CYRIA: variants seen among roughly 807,000 people sequenced by gnomAD.
CYRIA encodes CYFIP related Rac1 interactor A.
Under a neutral mutation model 43.9 loss-of-function variants are expected in CYRIA, and 15 were observed. That is an observed-to-expected ratio of 0.34 (90% CI 0.23 to 0.53). CYRIA has a LOEUF of 0.53. CYRIA is among the 20% of genes least tolerant of loss of function. The pLI, the probability that CYRIA is intolerant of heterozygous loss-of-function variation, is 0.94. For synonymous variants in CYRIA, 117 were observed against 136.0 expected, an observed-to-expected ratio of 0.86 and a Z score of 0.97; for missense variants, 236 against 394.2, an observed-to-expected ratio of 0.60 and a Z score of 3.40.
At chr2:16,562,196 A>C (rs1666762134) in intron 5 of CYRIA, 55 bp from the exon 6 acceptor site, 1 of 1,559,284 alleles carries the variant, frequency 6.4e-7, no homozygotes, top group Non-Finnish European at 8.7e-7. Flanking sequence ...GAGGTCCTTC[A>C]AAGAACACAA....
rs146731727 is a variant in CYRIA, at chr2:16,619,382, G to GAT, written c.-11+4480_-11+4481dup. ...CCCTCTGTGTGTGTGTGCATATATA[G>GAT]ATATATATATATATACACACACACA... On this transcript the variant is annotated intron_variant, in intron 2 of 11. Transcript: ENST00000381323. 1.1e-3 allele frequency among the ~76,000 whole-genome samples: 166 copies of GAT among 150,922 alleles called. 1 individual carries two copies. Among genetic ancestry groups the GAT allele is most frequent in the East Asian group, 3.5e-3 (18 of 5,144 alleles).
chr2:16,597,165 T>C lies in CYRIA; in HGVS notation c.-10-9036A>G, dbSNP rs1447033544. 5.9e-5 allele frequency among the ~76,000 whole-genome samples: 6 copies of C among 102,094 alleles called. 1 individual carries two copies. Among genetic ancestry groups the C allele is most frequent in the Non-Finnish European group, 1.1e-4 (6 of 53,412 alleles). The allele number at this position is 102,094 out of a possible 152,430, so 67.0% of individuals were successfully genotyped here. ...TTTACTTCCAACTGTGTGGTCAATT[T>C]TGGAATAGGTGTGGTGTGGTGCTGA... On this transcript the variant is annotated intron_variant, in intron 2 of 11. Transcript: ENST00000381323.
intron 5 of CYRIA, 132 bp from the exon 6 acceptor site, chr2:16,562,273 G>T (rs938941856): frequency 1.1e-6 from 1 of 948,970 alleles, no homozygotes; most frequent in Non-Finnish European, 1.5e-6. Context: ...TACGTGAGGT[G>T]TGCTGCATGT....
intron 1 of CYRIA, among the ~76,000 whole-genome samples, chr2:16,654,001 G>A (rs1372529653): frequency 6.6e-6 from 1 of 152,188 alleles, no homozygotes; most frequent in Non-Finnish European, 1.5e-5. Flanking sequence ...GAGACAAGAG[G>A]AAGTTGCCTT....
chr2:16,661,029 T>C (rs551055056), intron 1 of CYRIA, among the ~76,000 whole-genome samples: 3 of 152,286 alleles, frequency 2.0e-5, no homozygotes, highest in Non-Finnish European at 4.4e-5. Context: ...ACAGACTGAA[T>C]CCCAGCACTT....
chr2:16,570,482 GCCATCTGGAAAATC>G (rs1667090334), intron 3 of CYRIA, among the ~76,000 whole-genome samples: 1 of 152,128 alleles, frequency 6.6e-6, no homozygotes. Flanking sequence ...TTATCATTTT[GCCATCTGGAAAATC>G]CCTTTGAGAG....
chr2:16,570,514 A>T (rs1572466087), intron 3 of CYRIA, among the ~76,000 whole-genome samples: 1 of 152,190 alleles, frequency 6.6e-6, no homozygotes, highest in African/African-American at 2.4e-5. Context: ...GAGGCTTTGG[A>T]GTCTTACACT....
chr2:16,630,683 C>A (rs376070774), intron 1 of CYRIA, among the ~76,000 whole-genome samples: 11 of 152,268 alleles, frequency 7.2e-5, no homozygotes, highest in Admixed American at 3.3e-4. Flanking sequence ...GTCAGTTACA[C>A]CAGGTCTCCT....
At chr2:16,653,875 G>A (rs1670034550) in intron 1 of CYRIA, among the ~76,000 whole-genome samples, 1 of 152,204 alleles carries the variant, frequency 6.6e-6, no homozygotes, top group Admixed American at 6.5e-5. Context: ...TTTCTCTTCT[G>A]TAATACGAAG....
intron 1 of CYRIA, among the ~76,000 whole-genome samples, chr2:16,628,581 T>C (rs1669233434): frequency 6.6e-6 from 1 of 152,208 alleles, no homozygotes; most frequent in South Asian, 2.1e-4. Flanking sequence ...GTTGGGGTGA[T>C]TTAATGGTTT....
chr2:16,639,233 G>T (rs941955689), intron 1 of CYRIA, among the ~76,000 whole-genome samples: 1 of 152,214 alleles, frequency 6.6e-6, no homozygotes, highest in African/African-American at 2.4e-5. Flanking sequence ...TAGCGGTAAG[G>T]AAGCAAAATA....
chr2:16,606,726 T>C (rs939553578), intron 2 of CYRIA, among the ~76,000 whole-genome samples: 1 of 152,014 alleles, frequency 6.6e-6, no homozygotes, highest in Non-Finnish European at 1.5e-5. Flanking sequence ...CTGATGAAAA[T>C]GGTCCTTCTG....
intron 10 of CYRIA, among the ~76,000 whole-genome samples, 163 bp from the exon 11 acceptor site, chr2:16,555,302 G>A (rs1436264445): frequency 6.6e-6 from 1 of 152,118 alleles, no homozygotes; most frequent in Non-Finnish European, 1.5e-5. Flanking sequence ...CTGGTGAGCT[G>A]TTCCTCTGGG....
At chr2:16,581,832 T>G (rs1207154077) in intron 3 of CYRIA, among the ~76,000 whole-genome samples, 1 of 152,004 alleles carries the variant, frequency 6.6e-6, no homozygotes, top group Non-Finnish European at 1.5e-5. Flanking sequence ...GAAAACGAAT[T>G]GTCATACAAC....
chr2:16,556,367 G>A (rs991572661), intron 10 of CYRIA, among the ~76,000 whole-genome samples: 1 of 152,096 alleles, frequency 6.6e-6, no homozygotes, highest in African/African-American at 2.4e-5. Context: ...CCCAGACCTG[G>A]GATGGCATCA....
At position 16,643,765 on chromosome 2, in the gene CYRIA, G is replaced by A. The variant is rs185647298; in HGVS notation, c.-166-19746C>T. On this transcript the variant is annotated intron_variant, in intron 1 of 11. Transcript: ENST00000381323. The stretch of plus-strand genomic sequence containing the variant: ...GCCCACCCAGACATAGTGTTTTAGA[G>A]CCTTTGTACAATGAATGAAGAGATG... 2.6e-5 allele frequency among the ~76,000 whole-genome samples: 4 copies of A among 152,270 alleles called. No homozygotes were observed. The East Asian group carries it at 5.8e-4, about 22-fold the overall frequency.
chr2:16,575,615 G>T (rs1211992827), intron 3 of CYRIA, among the ~76,000 whole-genome samples: 1 of 152,084 alleles, frequency 6.6e-6, no homozygotes, highest in African/African-American at 2.4e-5. Flanking sequence ...CAGCACTTTG[G>T]GAGGCCGAGG....
chr2:16,652,746 C>T (rs1474267091), intron 1 of CYRIA, among the ~76,000 whole-genome samples: 1 of 152,164 alleles, frequency 6.6e-6, no homozygotes, highest in African/African-American at 2.4e-5. Context: ...CACCAGTCCC[C>T]AGCAGGGATC....
intron 3 of CYRIA, among the ~76,000 whole-genome samples, chr2:16,573,064 C>T (rs746995986): frequency 5.3e-5 from 8 of 152,242 alleles, no homozygotes; most frequent in Non-Finnish European, 8.8e-5. Flanking sequence ...AGAACCCACA[C>T]CCCACTACTG....
Sources: allele counts gnomAD v4.1 joint callset (sites outside exome capture counted in the v4.1 genomes callset), GRCh38; gene constraint gnomAD v4.1.1; transcripts MANE v1.5; gene names NCBI Gene and HGNC (gene_info 2026-07-23, HGNC 2026-07-21).